Variants in SIPA1L3 observed in about 807,000 individuals in gnomAD.
SIPA1L3 encodes signal-induced proliferation-associated 1-like protein 3.
A neutral mutation model predicts 150.1 loss-of-function variants in SIPA1L3; 59 were observed. The ratio of observed to expected loss-of-function variants is 0.39; its 90% CI spans 0.32 to 0.49. The LOEUF is 0.49. SIPA1L3 is among the 20% of genes least tolerant of loss of function. The pLI is 0.86. For synonymous variants in SIPA1L3, 1,070 were observed against 1,077.6 expected, an observed-to-expected ratio of 0.99 and a Z score of 0.14; for missense variants, 2,211 against 2,489.5, an observed-to-expected ratio of 0.89 and a Z score of 2.38.
intron 20 of SIPA1L3, 47 bp downstream of exon 20, chr19:38,202,044 G>T: frequency 6.4e-7 from 1 of 1,553,966 alleles, no homozygotes; most frequent in East Asian, 2.3e-5. Context: ...CGGCAGGCCT[G>T]TGCAGTGGAA....
chr19:38,066,104 C>T (rs1244712929), intron 2 of SIPA1L3, among the ~76,000 whole-genome samples: 1 of 151,498 alleles, frequency 6.6e-6, no homozygotes, highest in African/African-American at 2.4e-5. Flanking sequence ...GCTTGAACTC[C>T]TGGGCTCAGG....
chr19:37,990,752 G>T (rs1254195932), intron 1 of SIPA1L3, among the ~76,000 whole-genome samples: 1 of 152,216 alleles, frequency 6.6e-6, no homozygotes, highest in Non-Finnish European at 1.5e-5. Flanking sequence ...CACTCAAGGG[G>T]CATGTGTGTG....
intron 1 of SIPA1L3, among the ~76,000 whole-genome samples, chr19:37,916,577 TG>T (rs2046416780): frequency 6.6e-6 from 1 of 151,126 alleles, no homozygotes; most frequent in African/African-American, 2.4e-5. Context: ...TCACCTACCC[TG>T]TGTGTCAGGG....
Position 38,047,393 on chromosome 19 carries a change from A to G in SIPA1L3, c.-311+18237A>G, listed in dbSNP as rs1045127109. Among the ~76,000 whole-genome samples the G allele has an allele frequency of 6.6e-6, 1 of 152,082 alleles. No individual in the cohort carries two copies. Among genetic ancestry groups the G allele is most frequent in the African/African-American group, 2.4e-5 (1 of 41,398 alleles). ...ATAGCCTGTGAGCTCCTGTTTGACCATAGGAATTCTGTGTCTTGTGCATTG... is the reference window on the plus strand; with the variant it reads ...ATAGCCTGTGAGCTCCTGTTTGACCGTAGGAATTCTGTGTCTTGTGCATTG... On this transcript the variant is annotated intron_variant, in intron 2 of 21. Coordinates refer to ENST00000222345, the MANE Select transcript of SIPA1L3 (RefSeq NM_015073.3). This position sits in a 1 kb window ranked among gnomAD's most constrained non-coding sequence, Gnocchi z 4.7.
intron 12 of SIPA1L3, among the ~76,000 whole-genome samples, chr19:38,151,683 C>T (rs1971825328): frequency 6.6e-6 from 1 of 152,056 alleles, no homozygotes; most frequent in South Asian, 2.1e-4. Flanking sequence ...GCCACTGGGG[C>T]CGGGCATGGT....
intron 9 of SIPA1L3, among the ~76,000 whole-genome samples, chr19:38,130,127 C>T (rs1455126202): frequency 6.6e-6 from 1 of 152,118 alleles, no homozygotes; most frequent in Non-Finnish European, 1.5e-5. Flanking sequence ...CATGGCAGTG[C>T]CACTCGCAAC....
intron 2 of SIPA1L3, among the ~76,000 whole-genome samples, chr19:38,038,711 G>A (rs1294000738): frequency 1.3e-5 from 2 of 152,052 alleles, no homozygotes; most frequent in Non-Finnish European, 2.9e-5. Context: ...ATCTTCTACA[G>A]TGTAATTTGG....
intron 16 of SIPA1L3, chr19:38,184,732 T>A (rs192706670): frequency 2.0e-5 from 3 of 152,248 alleles, no homozygotes; most frequent in Non-Finnish European, 2.9e-5. Context: ...CCTGGAGATA[T>A]CAGCAGGCAA....
intron 1 of SIPA1L3, among the ~76,000 whole-genome samples, chr19:37,917,142 T>A (rs747470783): frequency 5.9e-5 from 9 of 152,188 alleles, no homozygotes; most frequent in Non-Finnish European, 1.2e-4. Context: ...TTTACTTCCT[T>A]TTTTCCACAT....
chr19:37,986,556 G>A (rs1967355701), intron 1 of SIPA1L3, among the ~76,000 whole-genome samples: 1 of 152,214 alleles, frequency 6.6e-6, no homozygotes, highest in Admixed American at 6.5e-5. Flanking sequence ...CAGGATGTTT[G>A]TCGCCAGCGT....
chr19:38,029,029 A>G (rs1248681915), intron 1 of SIPA1L3, 60 bp from the exon 2 acceptor site: 6 of 152,098 alleles, frequency 3.9e-5, no homozygotes, highest in African/African-American at 1.4e-4. Context: ...ACAGCTGGGT[A>G]TTACTGCAGG....
chr19:38,117,025 A>C (rs1229914139), intron 8 of SIPA1L3, among the ~76,000 whole-genome samples: 3 of 152,190 alleles, frequency 2.0e-5, no homozygotes, highest in Non-Finnish European at 4.4e-5. Flanking sequence ...TATTCATCAA[A>C]TCTCCAAATG....
chr19:38,029,474 T>C (rs1968595462), intron 2 of SIPA1L3, among the ~76,000 whole-genome samples: 1 of 152,220 alleles, frequency 6.6e-6, no homozygotes, highest in African/African-American at 2.4e-5. Flanking sequence ...TAATAGTATG[T>C]TTTGAAGATC....
chr19:37,954,055 A>C (rs7254248), intron 1 of SIPA1L3, among the ~76,000 whole-genome samples: 1 of 151,998 alleles, frequency 6.6e-6, no homozygotes, highest in Non-Finnish European at 1.5e-5. Flanking sequence ...GGTCGAATGT[A>C]ATTGAAATAT....
intron 1 of SIPA1L3, among the ~76,000 whole-genome samples, chr19:37,962,466 T>TTTTTTTTC: frequency 7.6e-6 from 1 of 131,128 alleles, no homozygotes; most frequent in South Asian, 2.5e-4. Flanking sequence ...AGCCGGCCTT[T>TTTTTTTTC]TTTTTTTTTT....
At chr19:38,138,342 C>T (rs555027886) in intron 10 of SIPA1L3, among the ~76,000 whole-genome samples, 9 of 152,042 alleles carry the variant, frequency 5.9e-5, no homozygotes, top group Non-Finnish European at 1.3e-4. Context: ...CTCTGTGCCT[C>T]GGTTTACTTG....
chr19:38,112,407 C>T (rs541403002), intron 8 of SIPA1L3, among the ~76,000 whole-genome samples: 221 of 152,248 alleles, frequency 1.5e-3, no homozygotes, highest in Admixed American at 5.6e-3. Context: ...TTCTCTTCTT[C>T]GTCCCCACTC....
At chr19:38,099,088 T>C (rs1033028404) in intron 4 of SIPA1L3, among the ~76,000 whole-genome samples, 3 of 152,110 alleles carry the variant, frequency 2.0e-5, no homozygotes, top group African/African-American at 4.8e-5. Context: ...CAGACTGGAG[T>C]GCAGTGGCGC....
rs1568594684 is a variant in SIPA1L3 at position 38,178,089 on chromosome 19, GTGTGTGTGTGT to G, written c.4209-4429_4209-4419del. Among the ~76,000 whole-genome samples, 21 of 8,104 alleles carry G rather than the reference GTGTGTGTGTGT, an allele frequency of 2.6e-3. No homozygotes were observed. In the East Asian group the frequency reaches 0.039, roughly 15 times the overall value. 5.3% of individuals were successfully genotyped at this position (8,104 alleles called of 152,430 possible). Reference sequence around the variant, plus strand: ...GTGTGTGCTTGTGCAGGCTTTTGGTGTGTGTGTGTGTGTGTGTGTGTGTGTGTGTGTGTGTG... The same window carrying G: ...GTGTGTGCTTGTGCAGGCTTTTGGTGGTGTGTGTGTGTGTGTGTGTGTGTG... On this transcript the variant is annotated intron_variant, in intron 15 of 21. Coordinates refer to ENST00000222345, the MANE Select transcript of SIPA1L3 (RefSeq NM_015073.3).
Sources: allele counts gnomAD v4.1 joint callset (sites outside exome capture counted in the v4.1 genomes callset), GRCh38; gene constraint gnomAD v4.1.1; non-coding constraint Gnocchi (gnomAD v3.1); transcripts MANE v1.5; gene names NCBI Gene and HGNC (gene_info 2026-07-23, HGNC 2026-07-21).